Variants in RFX4 observed in about 807,000 individuals in gnomAD.
RFX4 encodes transcription factor RFX4.
RFX4 carries 10 observed loss-of-function variants against 95.0 expected under a neutral mutation model. The ratio of observed to expected loss-of-function variants is 0.11; its 90% CI spans 0.06 to 0.18. RFX4 has a LOEUF of 0.18. Ranked by LOEUF, RFX4 falls within the 10% of genes least tolerant of loss-of-function variation. The probability of loss-of-function intolerance (pLI) is 1.00; values close to 1 mark genes in which losing one functional copy is unlikely to be tolerated. For missense variants in RFX4, 640 were observed against 922.0 expected, an observed-to-expected ratio of 0.69 and a Z score of 3.96; for synonymous variants, 321 against 340.7, an observed-to-expected ratio of 0.94 and a Z score of 0.64.
At chr12:106,734,921 C>G (rs1358778977) in intron 15 of RFX4, among the ~76,000 whole-genome samples, 1 of 151,668 alleles carries the variant, frequency 6.6e-6, no homozygotes, top group East Asian at 1.9e-4. Context: ...AAAAAGTTAG[C>G]TGGGCATGGT....
chr12:106,666,966 C>T (rs930123660), intron 4 of RFX4, among the ~76,000 whole-genome samples: 16 of 151,756 alleles, frequency 1.1e-4, no homozygotes, highest in East Asian at 3.9e-4. Context: ...TCTTGGTGGC[C>T]GAACATGATA....
intron 3 of RFX4, among the ~76,000 whole-genome samples, chr12:106,642,015 A>ATATCTATATC (rs1368397752): frequency 6.7e-6 from 1 of 149,712 alleles, no homozygotes; most frequent in South Asian, 2.1e-4. Flanking sequence ...ATCTATATCT[A>ATATCTATATC]TATCTATTTT....
intron 2 of RFX4, among the ~76,000 whole-genome samples, chr12:106,624,304 AT>A (rs1191810171): frequency 1.3e-5 from 2 of 152,002 alleles, no homozygotes; most frequent in Non-Finnish European, 2.9e-5. Flanking sequence ...TGATCTAATA[AT>A]TTTTTCATTT....
intron 1 of RFX4, among the ~76,000 whole-genome samples, chr12:106,592,103 T>C (rs1294297876): frequency 6.6e-6 from 1 of 152,192 alleles, no homozygotes; most frequent in East Asian, 1.9e-4. Context: ...CTCCTAAAAG[T>C]TGCTCGGTAA....
rs1051619031 is a variant in RFX4 at position 106,720,069 on chromosome 12, A to C, written c.1233+15A>C. ...GTGTTGTGAAGGTTGGTAAACCGGCACCTAGCGGGCAGCCTTGGGCCCTGC... is the reference window on the plus strand; with the variant it reads ...GTGTTGTGAAGGTTGGTAAACCGGCCCCTAGCGGGCAGCCTTGGGCCCTGC... On this transcript the variant is annotated intron_variant, in intron 12 of 17. Transcript: ENST00000392842. This position sits in a 1 kb window ranked among gnomAD's most constrained non-coding sequence, Gnocchi z 4.2. 3 of 1,611,514 alleles carry C rather than the reference A, an allele frequency of 1.9e-6. No homozygotes were observed. The South Asian group carries it at 3.3e-5, about 18-fold the overall frequency.
intron 3 of RFX4, among the ~76,000 whole-genome samples, chr12:106,650,090 C>T (rs569814262): frequency 1.6e-4 from 24 of 152,286 alleles, no homozygotes; most frequent in African/African-American, 5.3e-4. Context: ...CCTAGAGGTA[C>T]AGAGCAAACT....
intron 17 of RFX4, among the ~76,000 whole-genome samples, chr12:106,754,658 C>A (rs1172176189): frequency 2.0e-5 from 3 of 152,208 alleles, no homozygotes; most frequent in Non-Finnish European, 4.4e-5. Context: ...GCTCTGGAAG[C>A]CACAACAGTC....
At chr12:106,588,024 G>A (rs568322944) in intron 1 of RFX4, among the ~76,000 whole-genome samples, 9 of 152,266 alleles carry the variant, frequency 5.9e-5, no homozygotes, top group African/African-American at 1.9e-4. Flanking sequence ...GGGTTAGACA[G>A]CTCACAGGCT....
At chr12:106,727,820 C>A (rs1020608301) in intron 13 of RFX4, among the ~76,000 whole-genome samples, 3 of 152,128 alleles carry the variant, frequency 2.0e-5, no homozygotes, top group African/African-American at 7.2e-5. Context: ...GGAGTTTCAC[C>A]ATGTTGGCCA....
chr12:106,706,531 CTG>C (rs1340764406), intron 8 of RFX4, among the ~76,000 whole-genome samples: 1 of 152,056 alleles, frequency 6.6e-6, no homozygotes, highest in African/African-American at 2.4e-5. Flanking sequence ...GAAAGAGAGA[CTG>C]TGTCCAAAAT....
intron 2 of RFX4, among the ~76,000 whole-genome samples, chr12:106,636,728 G>T (rs181175674): frequency 2.4e-4 from 36 of 152,328 alleles, no homozygotes; most frequent in African/African-American, 8.2e-4. Flanking sequence ...TGGCAGGGAA[G>T]AGAATACCCA....
chr12:106,751,286 A>G (rs1361218081), intron 17 of RFX4, among the ~76,000 whole-genome samples: 2 of 146,642 alleles, frequency 1.4e-5, no homozygotes, highest in Admixed American at 1.4e-4. Context: ...TTATGGCTGC[A>G]TAGTATTCCA....
chr12:106,722,322 T>G (rs2042411625), intron 13 of RFX4, among the ~76,000 whole-genome samples: 1 of 152,232 alleles, frequency 6.6e-6, no homozygotes, highest in African/African-American at 2.4e-5. Flanking sequence ...CTCTCCATGC[T>G]TTATCCTTTA....
chr12:106,649,820 CA>C (rs2040825147), intron 3 of RFX4, among the ~76,000 whole-genome samples: 1 of 152,172 alleles, frequency 6.6e-6, no homozygotes, highest in Non-Finnish European at 1.5e-5. Context: ...TGGAGCCCCC[CA>C]TTCATCCATT....
chr12:106,635,775 G>T (rs754477043), intron 2 of RFX4, among the ~76,000 whole-genome samples: 8 of 152,120 alleles, frequency 5.3e-5, no homozygotes, highest in Non-Finnish European at 1.2e-4. Context: ...CAGGTATAAA[G>T]AACTCTGAGA....
intron 2 of RFX4, among the ~76,000 whole-genome samples, chr12:106,634,864 C>T (rs1316858922): frequency 6.6e-6 from 1 of 152,320 alleles, no homozygotes; most frequent in Middle Eastern, 3.4e-3. Context: ...TCTGTGCCTA[C>T]CTGTATCACA....
At chr12:106,652,634 T>A (rs1190053426) in intron 3 of RFX4, among the ~76,000 whole-genome samples, 1 of 152,224 alleles carries the variant, frequency 6.6e-6, no homozygotes, top group Admixed American at 6.5e-5. Flanking sequence ...GATGAGATGA[T>A]CGGGGACTAT....
At chr12:106,603,169 C>T (rs1420403370) in intron 1 of RFX4, among the ~76,000 whole-genome samples, 1 of 152,036 alleles carries the variant, frequency 6.6e-6, no homozygotes. Flanking sequence ...GATTACCTGG[C>T]TCTTGATAAC....
chr12:106,664,964 T>C (rs2041145967), intron 4 of RFX4, among the ~76,000 whole-genome samples: 1 of 151,886 alleles, frequency 6.6e-6, no homozygotes, highest in African/African-American at 2.4e-5. Flanking sequence ...GCCATATAAG[T>C]TTGAGAATAT....
Sources: gnomAD v4.1 joint callset for allele counts (sites outside exome capture counted in the v4.1 genomes callset) on GRCh38, gnomAD v4.1.1 for gene constraint, Gnocchi (gnomAD v3.1) non-coding constraint, MANE v1.5 for transcripts, NCBI Gene and HGNC (gene_info 2026-07-23, HGNC 2026-07-21) for gene names.